The following PKD2L2 variants were observed in gnomAD, a reference collection of about 807,000 sequenced individuals.
PKD2L2 encodes polycystin-2-like protein 2.
In PKD2L2, 67 loss-of-function variants were observed where a neutral mutation model predicts 83.9. The ratio of observed to expected loss-of-function variants is 0.80; its 90% confidence interval spans 0.66 to 0.98. The LOEUF is 0.98. PKD2L2 is among the 50% of genes least tolerant of loss of function. The pLI is 0.00. For missense variants in PKD2L2, 632 were observed against 717.2 expected (o/e 0.88, Z 1.36); for synonymous variants, 223 against 237.8 (o/e 0.94, Z 0.57).
chr5:137,930,293 A>G (rs968570335), intron 12 of PKD2L2, among the ~76,000 whole-genome samples: 3 of 152,218 alleles, frequency 2.0e-5, no homozygotes, highest in Non-Finnish European at 4.4e-5. Flanking sequence ...AAACAACATA[A>G]TAAAAATGTT....
At chr5:137,922,653 G>A (rs1165158659) in intron 9 of PKD2L2, among the ~76,000 whole-genome samples, 1 of 151,928 alleles carries the variant, frequency 6.6e-6, no homozygotes, top group African/African-American at 2.4e-5. Flanking sequence ...CATGAGAATC[G>A]CTTGAACCTG....
Position 137,935,859 on chromosome 5 carries a change from T to G in PKD2L2, c.1734T>G (p.Ser578=). Residue 578 remains serine (S), a synonymous_variant, in exon 13 of 15, where the codon TCT becomes TCG. Coordinates refer to ENST00000508883, the MANE Select transcript of PKD2L2 (RefSeq NM_001300921.2). The stretch of plus-strand genomic sequence containing the variant: ...AGAGGCTTGAGAAAAAGTATTATTC[T>G]ATGGAAATTCAAGATGACTACCAGC... ...WKERLEKKYY[S]MEIQDDYQPV... is the part of the protein sequence containing the mutation. 6.2e-7 allele frequency: 1 copy of G among 1,611,494 alleles called. No individual in the cohort carries two copies. Among genetic ancestry groups the G allele is most frequent in the Non-Finnish European group, 8.5e-7 (1 of 1,177,642 alleles).
At chr5:137,923,634 C>A in intron 10 of PKD2L2, 113 bp downstream of exon 10, 3 of 672,270 alleles carry the variant, frequency 4.5e-6, no homozygotes. Flanking sequence ...CCACTCCCAC[C>A]CCATCCCATC....
chr5:137,918,969 AGT>A (rs759318916), intron 8 of PKD2L2, among the ~76,000 whole-genome samples: 112 of 131,612 alleles, frequency 8.5e-4, no homozygotes, highest in African/African-American at 2.7e-3. Flanking sequence ...TGTGTGTGTG[AGT>A]GTGTGTGTGT....
intron 7 of PKD2L2, among the ~76,000 whole-genome samples, chr5:137,908,342 T>G (rs1040019793): frequency 6.6e-6 from 1 of 151,552 alleles, no homozygotes; most frequent in Non-Finnish European, 1.5e-5. Flanking sequence ...AATCCCAGCA[T>G]TTTGGGAGGC....
Position 137,892,477 on chromosome 5 carries a change from T to C in PKD2L2, c.134-3T>C. ...TTATTAAACAAAAAATTATTCTCCT[T>C]AGTGACTTTTGGGATGGTAAACCCA... On this transcript the variant is annotated splice_polypyrimidine_tract_variant and splice_region_variant and intron_variant, in intron 2 of 14. Coordinates refer to ENST00000508883, the MANE Select transcript of PKD2L2 (RefSeq NM_001300921.2). The C allele has an allele frequency of 4.1e-6, 6 of 1,462,870 alleles. No homozygotes were observed. The highest frequency in any genetic ancestry group is 5.5e-6 in the Non-Finnish European group (6 of 1,086,504). 90.6% of individuals were successfully genotyped at this position (1,462,870 alleles called of 1,614,324 possible). A position where few individuals can be genotyped will look rare whatever the true frequency, so the allele number is the denominator to read the frequency against.
At chr5:137,903,588 G>C (rs1216503299) in intron 5 of PKD2L2, among the ~76,000 whole-genome samples, 1 of 152,106 alleles carries the variant, frequency 6.6e-6, no homozygotes, top group Non-Finnish European at 1.5e-5. Flanking sequence ...GAGACTAAAT[G>C]ATAGCTCTTT....
chr5:137,929,534 CA>C (rs756601170), intron 12 of PKD2L2, among the ~76,000 whole-genome samples: 3 of 3,438 alleles, frequency 8.7e-4, no homozygotes, highest in Non-Finnish European at 9.7e-4. Flanking sequence ...ACAAAATTGC[CA>C]AAAAAAAAAA....
At chr5:137,899,210 G>A (rs1437067803) in intron 4 of PKD2L2, among the ~76,000 whole-genome samples, 4 of 152,008 alleles carry the variant, frequency 2.6e-5, no homozygotes, top group Admixed American at 6.5e-5. Flanking sequence ...TCAACCTCCC[G>A]GGCCCAAACA....
At chr5:137,917,162 CTTTTTT>C (rs34636933) in intron 8 of PKD2L2, among the ~76,000 whole-genome samples, 54 of 127,182 alleles carry the variant, frequency 4.2e-4, no homozygotes, top group African/African-American at 1.5e-3. Context: ...GTTCACTTTT[CTTTTTT>C]TTTTTTTTTT....
At chr5:137,915,655 G>A (rs7706131) in intron 8 of PKD2L2, among the ~76,000 whole-genome samples, 2,018 of 152,192 alleles carry the variant, frequency 0.013, 34 homozygotes, top group African/African-American at 0.044. Flanking sequence ...TCCTGACCTC[G>A]TGATCTACCC....
chr5:137,924,946 G>A (rs935342329), intron 10 of PKD2L2, 94 bp from the exon 11 acceptor site: 2 of 769,038 alleles, frequency 2.6e-6, no homozygotes, highest in African/African-American at 3.5e-5. Flanking sequence ...CAATCCAGAG[G>A]GACAAGCATT....
At chr5:137,897,438 T>C (rs1221673833) in intron 4 of PKD2L2, among the ~76,000 whole-genome samples, 2 of 152,188 alleles carry the variant, frequency 1.3e-5, no homozygotes, top group African/African-American at 2.4e-5. Context: ...ACCTTTTAAA[T>C]TGGAATCCTA....
chr5:137,901,319 G>A (rs367923143), intron 5 of PKD2L2, among the ~76,000 whole-genome samples: 1 of 152,064 alleles, frequency 6.6e-6, no homozygotes, highest in Admixed American at 6.6e-5. Context: ...AGTGGCAGCA[G>A]ACAATATAGC....
At chr5:137,921,593 G>C (rs2150044689) in intron 8 of PKD2L2, 43 bp from the exon 9 acceptor site, 1 of 1,230,240 alleles carries the variant, frequency 8.1e-7, no homozygotes, top group East Asian at 2.3e-5. Flanking sequence ...TGTCATGTAT[G>C]TACATAAAGG....
At chr5:137,903,967 G>A (rs938319568) in intron 5 of PKD2L2, among the ~76,000 whole-genome samples, 8 of 152,114 alleles carry the variant, frequency 5.3e-5, no homozygotes, top group South Asian at 2.1e-4. Flanking sequence ...TGTTGGCCAG[G>A]CTGGTTTCGA....
At chr5:137,891,980 C>T (rs543442648) in intron 2 of PKD2L2, among the ~76,000 whole-genome samples, 9 of 152,286 alleles carry the variant, frequency 5.9e-5, no homozygotes, top group African/African-American at 1.9e-4. Context: ...CACCACGCCC[C>T]GCCACTAGTT....
intron 12 of PKD2L2, among the ~76,000 whole-genome samples, chr5:137,926,932 T>C (rs996748742): frequency 2.0e-5 from 3 of 152,156 alleles, no homozygotes; most frequent in Admixed American, 2.0e-4. Flanking sequence ...CAATCCCCCA[T>C]GTATACCAAA....
intron 12 of PKD2L2, among the ~76,000 whole-genome samples, chr5:137,933,456 C>A (rs1760053699): frequency 6.6e-6 from 1 of 152,112 alleles, no homozygotes; most frequent in African/African-American, 2.4e-5. Flanking sequence ...TTAGCCACCA[C>A]CAGTATTCCT....
Sources: gnomAD v4.1 joint callset for allele counts (sites outside exome capture counted in the v4.1 genomes callset) on GRCh38, gnomAD v4.1.1 for gene constraint, MANE v1.5 for transcripts, NCBI Gene and HGNC (gene_info 2026-07-23, HGNC 2026-07-21) for gene names.